PLCH1: variants seen among roughly 807,000 people sequenced by gnomAD.
PLCH1 encodes phospholipase C eta 1, also known as 1-phosphatidylinositol 4,5-bisphosphate phosphodiesterase eta-1.
Under a neutral mutation model 126.7 loss-of-function variants are expected in PLCH1, and 60 were observed. The ratio of observed to expected loss-of-function variants is 0.47; its 90% CI spans 0.38 to 0.59. The LOEUF is 0.59. Among genes scored for constraint, PLCH1 ranks in the 20% least tolerant of loss-of-function variants. The probability of loss-of-function intolerance (pLI) is 0.00; values close to 1 mark genes in which losing one functional copy is unlikely to be tolerated. For missense variants in PLCH1, 1,723 were observed against 2,040.0 expected, an observed-to-expected ratio of 0.84 and a Z score of 2.99; for synonymous variants, 719 against 734.9, an observed-to-expected ratio of 0.98 and a Z score of 0.35.
intron 2 of PLCH1, among the ~76,000 whole-genome samples, chr3:155,620,499 T>C (rs1418590995): frequency 2.0e-5 from 3 of 152,018 alleles, no homozygotes; most frequent in African/African-American, 4.8e-5. Context: ...CAGGGATGGA[T>C]TGAAAGAGAA....
intron 2 of PLCH1, among the ~76,000 whole-genome samples, chr3:155,659,689 G>A (rs1741903678): frequency 6.6e-6 from 1 of 151,806 alleles, no homozygotes; most frequent in Admixed American, 6.6e-5. Context: ...AGTAGAGATG[G>A]GGTTTCACCA....
chr3:155,688,349 C>G (rs545629918), intron 2 of PLCH1, among the ~76,000 whole-genome samples: 1 of 152,318 alleles, frequency 6.6e-6, no homozygotes, highest in Non-Finnish European at 1.5e-5. Context: ...CACAGAAAAT[C>G]CACTTAGCAT....
At position 155,480,830 on chromosome 3, in the gene PLCH1, C is replaced by G; in HGVS notation, c.*138G>C. The G allele has an allele frequency of 1.4e-6, 1 of 706,110 alleles. No individual in the cohort carries two copies. The highest frequency in any genetic ancestry group is 2.4e-6 in the Non-Finnish European group (1 of 420,354). 43.7% of individuals were successfully genotyped at this position (706,110 alleles called of 1,614,324 possible). A position where few individuals can be genotyped will look rare whatever the true frequency, so the allele number is the denominator to read the frequency against. ...TACAAACGCATTAACAGGGAGAACA[C>G]ATGAAGTCAAAGGGAGACCCAAATA... On this transcript the variant is annotated 3_prime_UTR_variant, in exon 23 of 23. Coordinates refer to ENST00000460012, the MANE Select transcript of PLCH1 (RefSeq NM_014996.4).
At chr3:155,569,960 A>G (rs1728986556) in intron 6 of PLCH1, among the ~76,000 whole-genome samples, 1 of 152,222 alleles carries the variant, frequency 6.6e-6, no homozygotes, top group African/African-American at 2.4e-5. Flanking sequence ...AACCAAAAAC[A>G]TCATATTTGA....
At chr3:155,711,982 A>G (rs1484457110) in intron 1 of PLCH1, among the ~76,000 whole-genome samples, 2 of 152,238 alleles carry the variant, frequency 1.3e-5, no homozygotes, top group African/African-American at 4.8e-5. Context: ...ATCATTTGCC[A>G]CACCTGAAGC....
Position 155,549,798 on chromosome 3 carries a change from T to G in PLCH1, c.1351A>C (p.Ile451Leu), listed in dbSNP as rs1725862092. 6.2e-7 allele frequency: 1 copy of G among 1,612,580 alleles called. No individual in the cohort carries two copies. The highest frequency in any genetic ancestry group is 1.3e-5 in the African/African-American group (1 of 75,008). Residue 451 changes from isoleucine (I) to leucine (L), a missense_variant, in exon 10 of 23, where the codon ATT (isoleucine) becomes CTT (leucine). Transcript: ENST00000460012. ...CTTGAAGTAATTACCTTCACTAGAA[T>G]TTTGCCTTTCAAACTTTGAGGGCTT... is the stretch of plus-strand genomic sequence containing the variant. Reference protein sequence around the residue: ...LPSPQSLKGKILVKGKKLPYH... With the variant: ...LPSPQSLKGKLLVKGKKLPYH...
chr3:155,690,033 A>T (rs1460724036), intron 2 of PLCH1, among the ~76,000 whole-genome samples: 1 of 151,668 alleles, frequency 6.6e-6, no homozygotes, highest in Non-Finnish European at 1.5e-5. Context: ...AAGCAGCAAG[A>T]GAAAAAAAAG....
In PLCH1 at chr3:155,623,822, CA is replaced by C. The variant is rs374207352; in HGVS notation, c.80-27445del. Among the ~76,000 whole-genome samples, 40 of 152,280 alleles carry C rather than the reference CA, an allele frequency of 2.6e-4. No individual in the cohort carries two copies. In the East Asian group the frequency reaches 4.4e-3, roughly 17 times the overall value. The stretch of plus-strand genomic sequence containing the variant: ...TCACAGTCGAATTCTACCAGAGGTA[CA>C]AAGAGGAGCTGGTACCATTCCTTCT... On this transcript the variant is annotated intron_variant, in intron 2 of 22. Coordinates refer to ENST00000460012, the MANE Select transcript of PLCH1 (RefSeq NM_014996.4).
chr3:155,647,225 T>C (rs1249913650), intron 2 of PLCH1, among the ~76,000 whole-genome samples: 1 of 152,128 alleles, frequency 6.6e-6, no homozygotes, highest in East Asian at 1.9e-4. Context: ...AAAATGCATG[T>C]ATTCTTAACC....
chr3:155,456,947 A>G (rs1712459882), intron 21 of PLCH1: 1 of 152,672 alleles, frequency 6.5e-6, no homozygotes, highest in Non-Finnish European at 1.5e-5. Context: ...AATTCAACAT[A>G]TCCCTTCCAC....
rs757497787 is a variant in PLCH1, at chr3:155,482,055, C to A, written c.3971G>T (p.Ser1324Ile). 4 of 1,614,140 alleles carry A rather than the reference C, an allele frequency of 2.5e-6. No homozygotes were observed. Among genetic ancestry groups the A allele is most frequent in the Non-Finnish European group, 3.4e-6 (4 of 1,180,024 alleles). ...GGTCAAATCAGGGGAAGAGGCAGGGCTGCAGCTCTTCAGTGTTTCCCAGTC... is the reference window on the plus strand; with the variant it reads ...GGTCAAATCAGGGGAAGAGGCAGGGATGCAGCTCTTCAGTGTTTCCCAGTC... ...GEDWETLKSC[S>I]PASSPDLTLE... The change falls in exon 23 of 23, where the codon AGC becomes ATC. Residue 1324 changes from serine (S) to isoleucine (I), a missense_variant. Ser to Ile is a moderately radical substitution (Grantham distance 142). This residue lies in a region of PLCH1 where 947 missense variants were observed against 977.1 expected (regional missense o/e 0.97). Transcript: ENST00000460012.
intron 2 of PLCH1, among the ~76,000 whole-genome samples, chr3:155,699,554 C>T (rs1331560563): frequency 6.6e-6 from 1 of 152,022 alleles, no homozygotes; most frequent in East Asian, 1.9e-4. Flanking sequence ...TAGTGATGCC[C>T]CACAAACCTA....
rs533993173 is a variant in PLCH1 at position 155,736,462 on chromosome 3, G to A, written c.-41+8378C>T. On this transcript the variant is annotated intron_variant, in intron 1 of 22. Transcript: ENST00000460012. ...CACACTACAGTGATTTCTCTTTGGG[G>A]AACAAAAGCAATGGGCAAAAAAATA... 4.3e-4 allele frequency among the ~76,000 whole-genome samples: 65 copies of A among 152,070 alleles called. 1 individual carries two copies. Among genetic ancestry groups the A allele is most frequent in the Non-Finnish European group, 6.8e-4 (46 of 68,002 alleles).
Position 155,594,140 on chromosome 3 carries a change from C to T in PLCH1, c.271G>A (p.Glu91Lys). 6.2e-7 allele frequency: 1 copy of T among 1,614,078 alleles called. No individual in the cohort carries two copies. The change falls in exon 4 of 23, where the codon GAA becomes AAA. Residue 91 changes from glutamate to lysine, a missense_variant. Glu to Lys is a moderately conservative substitution (Grantham distance 56). Transcript: ENST00000460012. The stretch of plus-strand genomic sequence containing the variant: ...CCCTCAGCTTGTCTGTGGAATATTT[C>T]AGACTGCCGGCCCTCAGTCACTTTG... ...IYKVTEGRQSEIFHRQAEGNF... is the reference protein window; with the variant it reads ...IYKVTEGRQSKIFHRQAEGNF...
chr3:155,452,677 G>T (rs1326855257), intron 21 of PLCH1, among the ~76,000 whole-genome samples: 1 of 152,050 alleles, frequency 6.6e-6, no homozygotes, highest in Non-Finnish European at 1.5e-5. Flanking sequence ...TAATACTTTT[G>T]AACATTTTGG....
intron 2 of PLCH1, among the ~76,000 whole-genome samples, chr3:155,633,965 T>C (rs1256223429): frequency 6.6e-6 from 1 of 151,184 alleles, no homozygotes; most frequent in Admixed American, 6.6e-5. Flanking sequence ...TGACTCCATC[T>C]TTTTTTTTAA....
intron 10 of PLCH1, among the ~76,000 whole-genome samples, chr3:155,530,795 C>A (rs1296108808): frequency 6.6e-6 from 1 of 152,150 alleles, no homozygotes; most frequent in Non-Finnish European, 1.5e-5. Context: ...TTAGTTTACC[C>A]AGACTTATCA....
chr3:155,578,817 C>T (rs1730299861), intron 6 of PLCH1, among the ~76,000 whole-genome samples: 1 of 152,088 alleles, frequency 6.6e-6, no homozygotes, highest in Non-Finnish European at 1.5e-5. Flanking sequence ...AAAGGTATCT[C>T]CGGCCTTCCC....
chr3:155,516,434 A>T (rs755510630), intron 11 of PLCH1, among the ~76,000 whole-genome samples: 1 of 151,710 alleles, frequency 6.6e-6, no homozygotes, highest in Non-Finnish European at 1.5e-5. Context: ...ATGAATTAAG[A>T]ATGTTCTGTA....
Sources: allele counts gnomAD v4.1 joint callset (sites outside exome capture counted in the v4.1 genomes callset), GRCh38; gene constraint gnomAD v4.1.1; regional missense constraint gnomAD v4.1.1; transcripts MANE v1.5; gene names NCBI Gene and HGNC (gene_info 2026-07-23, HGNC 2026-07-21).